TRIM16: variants seen among roughly 807,000 people sequenced by gnomAD.
TRIM16 encodes the protein tripartite motif containing 16, also known as tripartite motif-containing protein 16.
In TRIM16, 33 loss-of-function variants were observed where a neutral mutation model predicts 50.4. The observed-to-expected ratio is 0.65, with a 90% confidence interval of 0.50 to 0.88. The LOEUF (loss-of-function observed/expected upper bound fraction) is 0.88, where lower values mean the gene tolerates loss of function less well. Ranked by LOEUF, TRIM16 falls within the 40% of genes least tolerant of loss-of-function variation. The pLI, the probability that TRIM16 is intolerant of heterozygous loss-of-function variation, is 0.00. For missense variants in TRIM16, 581 were observed against 686.8 expected (o/e 0.85, Z 1.72); for synonymous variants, 229 against 270.7 (o/e 0.85, Z 1.51).
chr17:15,682,784 T>A (rs1264380316), intron 3 of TRIM16, 70 bp downstream of exon 3: 19 of 1,330,378 alleles, frequency 1.4e-5, no homozygotes, highest in Non-Finnish European at 1.7e-5. Flanking sequence ...AAGTAAGGTA[T>A]CTTCTTTTTT....
At chr17:15,673,126 G>A (rs1988790543) in intron 6 of TRIM16, among the ~76,000 whole-genome samples, 2 of 152,160 alleles carry the variant, frequency 1.3e-5, no homozygotes, top group African/African-American at 2.4e-5. Flanking sequence ...ACTGGCTCCA[G>A]GAACTATGTT....
At chr17:15,663,831 G>A (rs539648360) in intron 6 of TRIM16, among the ~76,000 whole-genome samples, 65 of 152,226 alleles carry the variant, frequency 4.3e-4, no homozygotes, top group African/African-American at 1.4e-3. Flanking sequence ...TGCCCACCCC[G>A]GGTCAATCCC....
chr17:15,645,779 T>G (rs926163142), intron 7 of TRIM16, among the ~76,000 whole-genome samples: 1 of 152,166 alleles, frequency 6.6e-6, no homozygotes, highest in African/African-American at 2.4e-5. Flanking sequence ...CAGGAAATGT[T>G]TGCTCAGGCT....
chr17:15,675,900 G>A (rs181834512), intron 6 of TRIM16, among the ~76,000 whole-genome samples: 4 of 149,988 alleles, frequency 2.7e-5, no homozygotes, highest in African/African-American at 7.4e-5. Flanking sequence ...GTTTGTGTTC[G>A]TTAGAGTTCT....
intron 6 of TRIM16, among the ~76,000 whole-genome samples, chr17:15,672,178 A>T (rs1014855746): frequency 7.9e-5 from 12 of 152,068 alleles, no homozygotes; most frequent in Non-Finnish European, 1.5e-4. Flanking sequence ...CCAAGCATAC[A>T]GGCAATTTTA....
chr17:15,649,657 G>A (rs1330960165), intron 7 of TRIM16, among the ~76,000 whole-genome samples: 1 of 152,080 alleles, frequency 6.6e-6, no homozygotes, highest in Non-Finnish European at 1.5e-5. Flanking sequence ...TTGTATATGT[G>A]TGGCAGGTTT....
At chr17:15,679,467 A>C (rs1218558370) in intron 4 of TRIM16, among the ~76,000 whole-genome samples, 2 of 152,140 alleles carry the variant, frequency 1.3e-5, no homozygotes. Flanking sequence ...TAAGTCTAAC[A>C]AGAGCTTTGA....
At chr17:15,633,731 A>G (rs940245533) in intron 9 of TRIM16, among the ~76,000 whole-genome samples, 1 of 149,314 alleles carries the variant, frequency 6.7e-6, no homozygotes, top group Non-Finnish European at 1.5e-5. Context: ...TAGTAGAGAC[A>G]GGGTTTCACC....
At chr17:15,634,237 G>T (rs1986596257) in intron 9 of TRIM16, among the ~76,000 whole-genome samples, 1 of 148,772 alleles carries the variant, frequency 6.7e-6, no homozygotes, top group Admixed American at 6.6e-5. Flanking sequence ...GCTGAGGCAG[G>T]AGAATGGCGT....
At chr17:15,666,890 T>C (rs968745308) in intron 6 of TRIM16, among the ~76,000 whole-genome samples, 1 of 152,402 alleles carries the variant, frequency 6.6e-6, no homozygotes, top group South Asian at 2.1e-4. Context: ...CCAGCCTACC[T>C]GGCTCTTGAT....
chr17:15,632,213 A>AC (rs1201324927), intron 10 of TRIM16, among the ~76,000 whole-genome samples: 2 of 151,798 alleles, frequency 1.3e-5, no homozygotes, highest in Admixed American at 1.3e-4. Context: ...ACATGGTGAA[A>AC]CCCCGTCTCT....
At chr17:15,632,218 G>A (rs575962977) in intron 10 of TRIM16, among the ~76,000 whole-genome samples, 10 of 152,038 alleles carry the variant, frequency 6.6e-5, no homozygotes, top group Non-Finnish European at 1.2e-4. Flanking sequence ...GTGAAACCCC[G>A]TCTCTACTAA....
intron 6 of TRIM16, among the ~76,000 whole-genome samples, chr17:15,665,273 G>T (rs1371764513): frequency 6.6e-6 from 1 of 152,138 alleles, no homozygotes; most frequent in Non-Finnish European, 1.5e-5. Context: ...AGCACTTTGG[G>T]AGGCTGCGGC....
chr17:15,663,723 T>C (rs1988349133), intron 6 of TRIM16, among the ~76,000 whole-genome samples: 1 of 152,160 alleles, frequency 6.6e-6, no homozygotes, highest in Non-Finnish European at 1.5e-5. Context: ...ACTGTCTCCT[T>C]ACAGCTTGGG....
intron 6 of TRIM16, among the ~76,000 whole-genome samples, chr17:15,662,144 T>C (rs1230903445): frequency 6.6e-6 from 1 of 152,206 alleles, no homozygotes; most frequent in Non-Finnish European, 1.5e-5. Flanking sequence ...TAAAGAAGTC[T>C]TTGCAAATTT....
In TRIM16 at chr17:15,676,431, CTTTTTT is replaced by C. The variant is rs57392285; in HGVS notation, c.-338+739_-338+744del. Among the ~76,000 whole-genome samples the C allele has an allele frequency of 1.2e-4, 15 of 125,716 alleles. No homozygotes were observed. The South Asian group carries it at 3.6e-3, about 30-fold the overall frequency. 82.5% of individuals were successfully genotyped at this position (125,716 alleles called of 152,430 possible). A position where few individuals can be genotyped will look rare whatever the true frequency, so the allele number is the denominator to read the frequency against. On this transcript the variant is annotated intron_variant, in intron 6 of 11. Transcript: ENST00000649191. ...CAGACCAGAAACCTGAGAATTTTTT[CTTTTTT>C]TTTTTTTTTTTTCTTGAGATGGAGT... is the stretch of plus-strand genomic sequence containing the variant.
intron 4 of TRIM16, among the ~76,000 whole-genome samples, chr17:15,679,105 C>T (rs552615194): frequency 6.6e-6 from 1 of 152,252 alleles, no homozygotes; most frequent in South Asian, 2.1e-4. Context: ...TCACAGACTC[C>T]TGACCTCAGG....
chr17:15,651,385 G>T lies in TRIM16; in HGVS notation c.225C>A (p.Val75=). 6.2e-7 allele frequency: 1 copy of T among 1,614,170 alleles called. No homozygotes were observed. The highest frequency in any genetic ancestry group is 2.2e-5 in the East Asian group (1 of 44,878). The change falls in exon 7 of 12, where the codon GTC becomes GTA. Residue 75 remains valine (V), a synonymous_variant. Coordinates refer to ENST00000649191, the MANE Select transcript of TRIM16 (RefSeq NM_001348119.1). ...TGTCATCAAGGCAGAAGTCACACAGGACCTCTTTCCCCTCACCAGCAGGAT... is the reference window on the plus strand; with the variant it reads ...TGTCATCAAGGCAGAAGTCACACAGTACCTCTTTCCCCTCACCAGCAGGAT... ...QGDPAGEGKE[V]LCDFCLDDTR... is the part of the protein sequence containing the mutation.
At chr17:15,641,282 G>A (rs1238479209) in intron 8 of TRIM16, among the ~76,000 whole-genome samples, 1 of 147,982 alleles carries the variant, frequency 6.8e-6, no homozygotes, top group Non-Finnish European at 1.5e-5. Flanking sequence ...CATTCAAGGA[G>A]CCAGCAGGTA....
Sources: gnomAD v4.1 joint callset for allele counts (sites outside exome capture counted in the v4.1 genomes callset) on GRCh38, gnomAD v4.1.1 for gene constraint, MANE v1.5 for transcripts, NCBI Gene and HGNC (gene_info 2026-07-23, HGNC 2026-07-21) for gene names.